The following PRRC2B variants were observed in gnomAD, a reference collection of about 807,000 sequenced individuals.
The protein encoded by PRRC2B is proline rich coiled-coil 2B.
PRRC2B carries 68 observed loss-of-function variants against 242.3 expected under a neutral mutation model. The ratio of observed to expected loss-of-function variants is 0.28; its 90% CI spans 0.23 to 0.34. The LOEUF (loss-of-function observed/expected upper bound fraction) is 0.34. PRRC2B is among the 10% of genes least tolerant of loss of function. PRRC2B has a pLI of 1.00. For synonymous variants in PRRC2B, 1,228 were observed against 1,173.6 expected (o/e 1.05, Z -0.95); for missense variants, 2,835 against 2,954.8 (o/e 0.96, Z 0.94).
rs1943603200 is a variant in PRRC2B, at chr9:131,473,612, A to G, written c.2212A>G (p.Ile738Val). The G allele has an allele frequency of 6.2e-7, 1 of 1,613,316 alleles. No homozygotes were observed. The highest frequency in any genetic ancestry group is 8.5e-7 in the Non-Finnish European group (1 of 1,179,598). ...ACTCCAAGAAAGAAAAGTGACCCCC[A>G]TCGACTCACCCCCTGTGTGGAGCCC... is the stretch of plus-strand genomic sequence containing the variant. ...PPLQERKVTP[I>V]DSPPVWSPEG... Residue 738 changes from isoleucine to valine, a missense_variant, in exon 15 of 32, where the codon ATC becomes GTC. Around this residue, in one of 7 missense-constraint regions of PRRC2B, gnomAD observed 1,536 missense variants for 1,483.1 expected, o/e 1.04. Coordinates refer to ENST00000683519, the MANE Select transcript of PRRC2B (RefSeq NM_013318.4).
At chr9:131,389,914 TG>T (rs756529016), upstream of PRRC2B, among the ~76,000 whole-genome samples, 138 of 137,292 alleles carry the variant, frequency 1.0e-3, no homozygotes, top group South Asian at 4.2e-3. Flanking sequence ...GGAACATGGT[TG>T]TTTTTTTTTT....
At chr9:131,425,552 G>A (rs567011786) in intron 1 of PRRC2B, among the ~76,000 whole-genome samples, 7 of 151,902 alleles carry the variant, frequency 4.6e-5, no homozygotes, top group African/African-American at 9.6e-5. Context: ...GCAGTGGCGC[G>A]ATCTCAGCTC....
chr9:131,416,193 C>A (rs1238007802), intron 1 of PRRC2B, among the ~76,000 whole-genome samples: 1 of 152,000 alleles, frequency 6.6e-6, no homozygotes, highest in African/African-American at 2.4e-5. Flanking sequence ...ACTGCAACTT[C>A]TGCCTCCCAG....
At position 131,433,241 on chromosome 9, in the gene PRRC2B, C is replaced by T. The variant is rs934709036; in HGVS notation, c.293+447C>T. ...AGAATCATGCAGCTTCCCTAACCAT[C>T]GGCCCAGCAGCTTCCCAGACAGAGG... On this transcript the variant is annotated intron_variant, in intron 3 of 31. Coordinates refer to ENST00000683519, the MANE Select transcript of PRRC2B (RefSeq NM_013318.4). Among the ~76,000 whole-genome samples, 5 of 152,194 alleles carry T rather than the reference C, an allele frequency of 3.3e-5. No homozygotes were observed. In the East Asian group the frequency reaches 7.7e-4, roughly 23 times the overall value.
chr9:131,492,046 T>C, intron 29 of PRRC2B, 123 bp from the exon 30 acceptor site: 1 of 754,172 alleles, frequency 1.3e-6, no homozygotes, highest in Non-Finnish European at 2.3e-6. Flanking sequence ...CACTGCTCTA[T>C]AAGATGCCTC....
intron 1 of PRRC2B, among the ~76,000 whole-genome samples, chr9:131,408,246 C>G (rs1837418894): frequency 6.6e-6 from 1 of 152,196 alleles, no homozygotes; most frequent in South Asian, 2.1e-4. Flanking sequence ...TTACAGGTCT[C>G]AACTCTTTTC....
rs138089297 is a variant in PRRC2B at position 131,404,305 on chromosome 9, C to T, written c.-52+10042C>T. Among the ~76,000 whole-genome samples the T allele has an allele frequency of 9.9e-3, 1,497 of 151,338 alleles. 25 individuals are homozygous for T. Among genetic ancestry groups the T allele is most frequent in the Non-Finnish European group, 0.013 (857 of 67,872 alleles). ...CGTGATCTTGGCTCACTGCAACCTC[C>T]GCCTCCTGGGTTCAAGCAATTCTTC... On this transcript the variant is annotated intron_variant, in intron 1 of 31. Coordinates refer to ENST00000683519, the MANE Select transcript of PRRC2B (RefSeq NM_013318.4).
intron 1 of PRRC2B, among the ~76,000 whole-genome samples, chr9:131,415,428 C>CCTGGGG (rs1020223248): frequency 7.9e-5 from 12 of 152,208 alleles, no homozygotes; most frequent in African/African-American, 1.9e-4. Flanking sequence ...CCCCCGCTCC[C>CCTGGGG]CTGGGGCTGG....
rs1048537125 is a variant in PRRC2B, at chr9:131,498,249, G to A, written c.*2375G>A. The A allele has an allele frequency of 3.3e-5, 5 of 151,840 alleles. No individual in the cohort carries two copies. The highest frequency in any genetic ancestry group is 7.4e-5 in the Non-Finnish European group (5 of 68,006). The allele number at this position is 151,840 out of a possible 1,614,324, so 9.4% of individuals were successfully genotyped here. A position where few individuals can be genotyped will look rare whatever the true frequency, so the allele number is the denominator to read the frequency against. Reference sequence around the variant, plus strand: ...AAAAAACACTAGAATTTATTTATATGTATTGATGTTGTAGGTCTAGGTGAA... The same window carrying A: ...AAAAAACACTAGAATTTATTTATATATATTGATGTTGTAGGTCTAGGTGAA... On this transcript the variant is annotated 3_prime_UTR_variant, in exon 32 of 32. Transcript: ENST00000683519.
intron 28 of PRRC2B, chr9:131,490,924 G>T (rs956536133): frequency 1.1e-4 from 33 of 297,242 alleles, no homozygotes; most frequent in African/African-American, 6.9e-4. Flanking sequence ...CATAAATCTG[G>T]TGTGCACCCA....
chr9:131,457,362 G>T (rs1943111281), intron 10 of PRRC2B, among the ~76,000 whole-genome samples: 1 of 152,188 alleles, frequency 6.6e-6, no homozygotes, highest in Admixed American at 6.5e-5. Context: ...TTGTCTCTTT[G>T]AGGCGATGGG....
rs1944380054 is a variant in PRRC2B, at chr9:131,498,160, T to C, written c.*2286T>C. ...ATAAAAACAAAAAGGTCACCTGTTC[T>C]CCAGCCCTTTTCTCTTACCTGGTAT... On this transcript the variant is annotated 3_prime_UTR_variant, in exon 32 of 32. Coordinates refer to ENST00000683519, the MANE Select transcript of PRRC2B (RefSeq NM_013318.4). 6.6e-6 allele frequency: 1 copy of C among 152,324 alleles called. No homozygotes were observed. Among genetic ancestry groups the C allele is most frequent in the African/African-American group, 2.4e-5 (1 of 41,568 alleles). 9.4% of individuals were successfully genotyped at this position (152,324 alleles called of 1,614,324 possible). A position where few individuals can be genotyped will look rare whatever the true frequency, so the allele number is the denominator to read the frequency against.
rs375002564 is a variant in PRRC2B, at chr9:131,482,360, G to A, written c.4984-11G>A. On this transcript the variant is annotated splice_polypyrimidine_tract_variant and intron_variant, in intron 20 of 31. Transcript: ENST00000683519. The surrounding 1 kb of genome is among the most constrained non-coding windows in gnomAD (Gnocchi z 5.2). The stretch of plus-strand genomic sequence containing the variant: ...AGTTTGAGGCTATAACCCATTTTGT[G>A]CTCTGCACAGCAGGGTTTTAAGAGC... 254 of 1,557,594 alleles carry A rather than the reference G, an allele frequency of 1.6e-4. No homozygotes were observed. Among genetic ancestry groups the A allele is most frequent in the Non-Finnish European group, 2.1e-4 (244 of 1,146,190 alleles).
At chr9:131,472,633 T>A (rs2131440909) in intron 14 of PRRC2B, among the ~76,000 whole-genome samples, 1 of 152,104 alleles carries the variant, frequency 6.6e-6, no homozygotes, top group African/African-American at 2.4e-5. Flanking sequence ...CCTGCCACCA[T>A]GCCTGGCTGA....
In PRRC2B at chr9:131,380,338, G is replaced by A. The variant is rs559885500; in HGVS notation, c.-56+6607G>A. On this transcript the variant is annotated intron_variant, in intron 1 of 1. Transcript: ENST00000682525. The stretch of plus-strand genomic sequence containing the variant: ...CACACGTGTAATCTCAGCACTTTGC[G>A]AGGCCGAGGCGAGCAGGTCACCTGA... 3.9e-5 allele frequency among the ~76,000 whole-genome samples: 6 copies of A among 152,072 alleles called. 1 individual carries two copies. Among genetic ancestry groups the A allele is most frequent in the Middle Eastern group, 6.8e-3 (2 of 294 alleles).
intron 1 of PRRC2B, among the ~76,000 whole-genome samples, chr9:131,398,822 G>A (rs987574608): frequency 4.6e-5 from 7 of 151,940 alleles, no homozygotes; most frequent in Admixed American, 2.0e-4. Context: ...CCTCTTAAAA[G>A]AAAAAATTAG....
At chr9:131,394,296 G>T in intron 1 of PRRC2B, 33 bp downstream of exon 1, 1 of 146,878 alleles carries the variant, frequency 6.8e-6, no homozygotes, top group South Asian at 1.9e-4. Context: ...GCCGGGGCGT[G>T]GGGGCGGCGG....
upstream of PRRC2B, among the ~76,000 whole-genome samples, chr9:131,389,943 A>ATTT (rs1836877802): frequency 1.4e-5 from 1 of 69,002 alleles, no homozygotes; most frequent in African/African-American, 5.3e-5. Context: ...TTTTTTTTTG[A>ATTT]GATGGAGTCC....
At chr9:131,478,806 G>A (rs1943778891) in intron 18 of PRRC2B, among the ~76,000 whole-genome samples, 187 bp downstream of exon 18, 1 of 152,180 alleles carries the variant, frequency 6.6e-6, no homozygotes. Flanking sequence ...TATCAATGTA[G>A]GAATAGGTGG....
Sources: gnomAD v4.1 joint callset for allele counts (sites outside exome capture counted in the v4.1 genomes callset) on GRCh38, gnomAD v4.1.1 for gene constraint, gnomAD v4.1.1 regional missense constraint, Gnocchi (gnomAD v3.1) non-coding constraint, MANE v1.5 for transcripts, NCBI Gene and HGNC (gene_info 2026-07-23, HGNC 2026-07-21) for gene names.